The following GAK variants were observed in gnomAD, a reference collection of about 807,000 sequenced individuals.
The protein encoded by GAK is cyclin G associated kinase.
In GAK, 79 loss-of-function variants were observed where a neutral mutation model predicts 143.9. The observed-to-expected ratio is 0.55, with a 90% CI of 0.46 to 0.66. The LOEUF (loss-of-function observed/expected upper bound fraction) is 0.66, where lower values mean the gene tolerates loss of function less well. Among genes scored for constraint, GAK ranks in the 30% least tolerant of loss-of-function variants. GAK has a pLI of 0.00. For synonymous variants in GAK, 881 were observed against 765.5 expected, an observed-to-expected ratio of 1.15 and a Z score of -2.49; for missense variants, 1,693 against 1,779.7, an observed-to-expected ratio of 0.95 and a Z score of 0.88.
At chr4:931,218 AACTGACTCAAG>A (rs1055773727) in intron 1 of GAK, among the ~76,000 whole-genome samples, 5 of 152,210 alleles carry the variant, frequency 3.3e-5, no homozygotes, top group African/African-American at 1.2e-4. Context: ...GCAGAGACAA[AACTGACTCAAG>A]ACTGACTCAA....
At chr4:858,556 T>C (rs946334125) in intron 24 of GAK, among the ~76,000 whole-genome samples, 1 of 152,066 alleles carries the variant, frequency 6.6e-6, no homozygotes, top group South Asian at 2.1e-4. Context: ...GGAAATAAAA[T>C]ACAAAACCAC....
At chr4:861,110 C>T (rs1015379247) in intron 23 of GAK, among the ~76,000 whole-genome samples, 21 of 152,316 alleles carry the variant, frequency 1.4e-4, no homozygotes, top group Admixed American at 1.0e-3. Flanking sequence ...GGCTGCTCCA[C>T]AGACCAGCCA....
rs762466719 is a variant in GAK at position 893,365 on chromosome 4, T to G, written c.990+12A>C. 3.9e-6 allele frequency: 6 copies of G among 1,527,210 alleles called. No individual in the cohort carries two copies. Among genetic ancestry groups the G allele is most frequent in the Non-Finnish European group, 5.3e-6 (6 of 1,132,136 alleles). The allele number at this position is 1,527,210 out of a possible 1,614,324, so 94.6% of individuals were successfully genotyped here. On this transcript the variant is annotated intron_variant, in intron 9 of 27. Coordinates refer to ENST00000314167, the MANE Select transcript of GAK (RefSeq NM_005255.4). ...CTGCGGGGGATTTGGGGCTCACGTG[T>G]GCCTCCCTCACCTCTGTGATGGGAG...
chr4:900,610 C>G (rs1056637362), intron 5 of GAK, among the ~76,000 whole-genome samples: 4 of 152,148 alleles, frequency 2.6e-5, no homozygotes, highest in Non-Finnish European at 4.4e-5. Flanking sequence ...AAGAACCACC[C>G]AGACAGCAAA....
At chr4:921,695 T>G (rs1560442305) in intron 1 of GAK, among the ~76,000 whole-genome samples, 4 of 152,038 alleles carry the variant, frequency 2.6e-5, no homozygotes, top group Admixed American at 2.0e-4. Flanking sequence ...TTGTTTTTTT[T>G]TTTTAATTAA....
At chr4:854,946 G>T (rs954429068) in intron 24 of GAK, among the ~76,000 whole-genome samples, 2 of 152,218 alleles carry the variant, frequency 1.3e-5, no homozygotes, top group Admixed American at 6.5e-5. Context: ...TCAGGAGGCT[G>T]AGGCAGGAGA....
intron 22 of GAK, 88 bp downstream of exon 22, chr4:866,276 T>TGA: frequency 7.2e-7 from 1 of 1,383,828 alleles, no homozygotes; most frequent in Non-Finnish European, 1.0e-6. Context: ...CACCACTGCC[T>TGA]GAGACCCACA....
intron 19 of GAK, among the ~76,000 whole-genome samples, chr4:870,243 T>C (rs965604219): frequency 6.6e-6 from 1 of 152,182 alleles, no homozygotes; most frequent in Admixed American, 6.5e-5. Context: ...GCATGAGCAG[T>C]GGACGGCCCT....
chr4:882,096 C>T (rs1383244164), intron 14 of GAK, 56 bp from the exon 15 acceptor site: 27 of 1,533,156 alleles, frequency 1.8e-5, no homozygotes, highest in Non-Finnish European at 1.2e-5. Context: ...GACAAGGGCT[C>T]GCGGGGTCCT....
chr4:931,793 C>G (rs921888710), intron 1 of GAK, among the ~76,000 whole-genome samples: 4 of 152,154 alleles, frequency 2.6e-5, no homozygotes, highest in African/African-American at 9.7e-5. Context: ...GAAAGTACCC[C>G]GACCCGGTCC....
chr4:926,353 G>A (rs535626592), intron 1 of GAK, among the ~76,000 whole-genome samples: 11 of 152,192 alleles, frequency 7.2e-5, no homozygotes, highest in Non-Finnish European at 1.6e-4. Context: ...TACCTTATAT[G>A]CTCAGACATC....
At chr4:855,415 G>A (rs1377229301) in intron 24 of GAK, among the ~76,000 whole-genome samples, 2 of 152,132 alleles carry the variant, frequency 1.3e-5, no homozygotes, top group East Asian at 3.8e-4. Context: ...ACAGAAATAG[G>A]ACAGATTTTT....
intron 15 of GAK, among the ~76,000 whole-genome samples, chr4:880,624 G>A (rs1714901531): frequency 6.6e-6 from 1 of 151,952 alleles, no homozygotes; most frequent in Non-Finnish European, 1.5e-5. Context: ...CCACCGGTTG[G>A]ACTCTTTCTG....
intron 19 of GAK, among the ~76,000 whole-genome samples, chr4:870,184 TCAGA>T (rs1712238499): frequency 6.6e-6 from 1 of 151,926 alleles, no homozygotes; most frequent in Admixed American, 6.5e-5. Context: ...CTGAAGATGC[TCAGA>T]AAGAAAAAGC....
chr4:925,479 C>T (rs1577333153), intron 1 of GAK, among the ~76,000 whole-genome samples: 2 of 152,302 alleles, frequency 1.3e-5, no homozygotes, highest in East Asian at 3.9e-4. Context: ...ATCAACTCGG[C>T]CTCTTTTAAG....
intron 4 of GAK, among the ~76,000 whole-genome samples, chr4:905,564 T>TACGGACTCCGCCACGCCCCAGGCCAC (rs1720928292): frequency 7.7e-6 from 1 of 130,130 alleles, no homozygotes; most frequent in Non-Finnish European, 1.6e-5. Context: ...CCCCAGGCCA[T>TACGGACTCCGCCACGCCCCAGGCCAC]GCTACGGACT....
chr4:892,255 C>T (rs575850990), intron 9 of GAK, among the ~76,000 whole-genome samples: 1 of 152,286 alleles, frequency 6.6e-6, no homozygotes, highest in Admixed American at 6.5e-5. Context: ...GGAGTGGAAA[C>T]GACCCAAGGG....
At chr4:902,251 AC>A (rs1720007760) in intron 5 of GAK, among the ~76,000 whole-genome samples, 1 of 150,940 alleles carries the variant, frequency 6.6e-6, no homozygotes, top group African/African-American at 2.4e-5. Flanking sequence ...AAAAAAAAAA[AC>A]AGAAATGTCC....
chr4:894,264 G>T, intron 7 of GAK: 1 of 378,904 alleles, frequency 2.6e-6, no homozygotes, highest in Non-Finnish European at 4.8e-6. Flanking sequence ...GAGCGCAGGG[G>T]TGACGTTGGG....
Sources: gnomAD v4.1 joint callset for allele counts (sites outside exome capture counted in the v4.1 genomes callset) on GRCh38, gnomAD v4.1.1 for gene constraint, MANE v1.5 for transcripts, NCBI Gene and HGNC (gene_info 2026-07-23, HGNC 2026-07-21) for gene names.